TMEM117: variants seen among roughly 807,000 people sequenced by gnomAD.
The protein encoded by TMEM117 is transmembrane protein 117.
A neutral mutation model predicts 52.4 loss-of-function variants in TMEM117; 27 were observed. The observed-to-expected ratio is 0.51, with a 90% CI of 0.38 to 0.71. The LOEUF (loss-of-function observed/expected upper bound fraction) is 0.71, where lower values mean the gene tolerates loss of function less well. Among genes scored for constraint, TMEM117 ranks in the 30% least tolerant of loss-of-function variants. The pLI, the probability that TMEM117 is intolerant of heterozygous loss-of-function variation, is 0.00. For missense variants in TMEM117, 556 were observed against 630.5 expected, an observed-to-expected ratio of 0.88 and a Z score of 1.26; for synonymous variants, 215 against 206.3, an observed-to-expected ratio of 1.04 and a Z score of -0.36.
At chr12:44,232,841 A>G (rs1949950254) in intron 5 of TMEM117, among the ~76,000 whole-genome samples, 2 of 151,230 alleles carry the variant, frequency 1.3e-5, no homozygotes, top group African/African-American at 4.8e-5. Context: ...AGTAAACAAT[A>G]TGTTCTCAAT....
chr12:44,069,867 G>C (rs1268673431), intron 3 of TMEM117, among the ~76,000 whole-genome samples: 1 of 151,982 alleles, frequency 6.6e-6, no homozygotes, highest in Non-Finnish European at 1.5e-5. Context: ...AGGGATTCAG[G>C]CTCTTTTGTT....
At chr12:44,168,413 A>G (rs1339973865) in intron 4 of TMEM117, among the ~76,000 whole-genome samples, 3 of 152,234 alleles carry the variant, frequency 2.0e-5, no homozygotes, top group Non-Finnish European at 4.4e-5. Flanking sequence ...TATTTTCTTT[A>G]TAACTTCTTA....
rs549739501 is a variant in TMEM117 at position 44,045,991 on chromosome 12, G to C, written c.411-97534G>C. Among the ~76,000 whole-genome samples, 5 of 152,290 alleles carry C rather than the reference G, an allele frequency of 3.3e-5. No homozygotes were observed. In the South Asian group the frequency reaches 6.2e-4, roughly 19 times the overall value. On this transcript the variant is annotated intron_variant, in intron 3 of 7. Coordinates refer to ENST00000266534, the MANE Select transcript of TMEM117 (RefSeq NM_032256.3). ...GAGGTCAGAATTACAACATGAACTA[G>C]GTGACGATAATTTGCAGGGTTGGGG...
chr12:44,222,918 A>T (rs916781985), intron 5 of TMEM117, among the ~76,000 whole-genome samples: 4 of 152,058 alleles, frequency 2.6e-5, no homozygotes, highest in African/African-American at 9.7e-5. Context: ...TCTAAATCAC[A>T]TGTTTTGGTG....
Position 43,882,076 on chromosome 12 carries a change from A to C in TMEM117, c.277+37148A>C, listed in dbSNP as rs1370091563. ...GACAGAGCAAGACTCCGTCTCAAAA[A>C]AAACAAACAAACTAAAAAACAACAA... is the stretch of plus-strand genomic sequence containing the variant. On this transcript the variant is annotated intron_variant, in intron 2 of 7. Coordinates refer to ENST00000266534, the MANE Select transcript of TMEM117 (RefSeq NM_032256.3). Among the ~76,000 whole-genome samples, 5 of 152,088 alleles carry C rather than the reference A, an allele frequency of 3.3e-5. No homozygotes were observed. In the South Asian group the frequency reaches 6.2e-4, roughly 19 times the overall value.
chr12:44,237,357 C>A (rs551655554), intron 5 of TMEM117, among the ~76,000 whole-genome samples: 2 of 151,850 alleles, frequency 1.3e-5, no homozygotes, highest in East Asian at 3.9e-4. Context: ...CTTTCCATTA[C>A]AGCACATATT....
the TMEM117 span, among the ~76,000 whole-genome samples, chr12:43,821,948 G>C: frequency 2.0e-5 from 3 of 152,168 alleles, no homozygotes; most frequent in Non-Finnish European, 4.4e-5. Context: ...ACACTATGTT[G>C]GGTGACCTAG....
intron 3 of TMEM117, among the ~76,000 whole-genome samples, chr12:44,006,128 G>C (rs1946191277): frequency 6.6e-6 from 1 of 152,158 alleles, no homozygotes; most frequent in South Asian, 2.1e-4. Context: ...GCACCAGTTT[G>C]AAAGCCTCCA....
At chr12:44,316,379 C>T (rs1951054897) in intron 6 of TMEM117, among the ~76,000 whole-genome samples, 2 of 152,048 alleles carry the variant, frequency 1.3e-5, no homozygotes, top group Non-Finnish European at 2.9e-5. Flanking sequence ...GTTGAAATTT[C>T]TTTCCCTTAA....
intron 3 of TMEM117, among the ~76,000 whole-genome samples, chr12:44,044,711 C>G (rs1317772238): frequency 6.6e-6 from 1 of 152,170 alleles, no homozygotes; most frequent in East Asian, 1.9e-4. Flanking sequence ...GATACACAGG[C>G]ACCAACTGAA....
chr12:44,180,590 G>A (rs1050949965), intron 4 of TMEM117, among the ~76,000 whole-genome samples: 3 of 145,380 alleles, frequency 2.1e-5, no homozygotes, highest in East Asian at 4.1e-4. Context: ...ACCTATGAGT[G>A]AGAATATGCG....
rs144308417 is a variant in TMEM117, at chr12:44,041,583, T to C, written c.410+97241T>C. ...ACACATTATTTCATTACCCAGATTG[T>C]CAGCATAGTACCCAATAGACTTCCA... is the stretch of plus-strand genomic sequence containing the variant. On this transcript the variant is annotated intron_variant, in intron 3 of 7. Coordinates refer to ENST00000266534, the MANE Select transcript of TMEM117 (RefSeq NM_032256.3). Among the ~76,000 whole-genome samples, 835 of 152,230 alleles carry C rather than the reference T, an allele frequency of 5.5e-3. 10 individuals are homozygous for C. Among genetic ancestry groups the C allele is most frequent in the African/African-American group, 0.019 (771 of 41,550 alleles).
intron 2 of TMEM117, among the ~76,000 whole-genome samples, chr12:43,925,029 C>T (rs946088200): frequency 4.6e-5 from 7 of 152,172 alleles, no homozygotes; most frequent in Non-Finnish European, 7.4e-5. Flanking sequence ...CTGGATCCCT[C>T]AGTTCCTCAA....
intron 2 of TMEM117, among the ~76,000 whole-genome samples, chr12:43,883,782 A>G (rs1417850453): frequency 6.7e-6 from 1 of 148,630 alleles, no homozygotes; most frequent in Non-Finnish European, 1.5e-5. Flanking sequence ...ACAAAAAACA[A>G]AAAAAAACCC....
At chr12:43,799,275 A>T in the TMEM117 span, 4 of 570,012 alleles carry the variant, frequency 7.0e-6, no homozygotes, top group Non-Finnish European at 1.2e-5. Flanking sequence ...CTCTAAACTA[A>T]ACGGAATAAA....
chr12:43,856,009 A>T (rs1396915550), intron 2 of TMEM117, among the ~76,000 whole-genome samples: 2 of 152,216 alleles, frequency 1.3e-5, no homozygotes, highest in Non-Finnish European at 2.9e-5. Context: ...CTTTGTGTTA[A>T]TTTGAGATCT....
chr12:43,874,365 G>A (rs1943756705), intron 2 of TMEM117, among the ~76,000 whole-genome samples: 1 of 151,762 alleles, frequency 6.6e-6, no homozygotes, highest in East Asian at 1.9e-4. Context: ...TGGATCACTT[G>A]AGGTCAGGAG....
intron 6 of TMEM117, among the ~76,000 whole-genome samples, chr12:44,321,749 A>G (rs1951132983): frequency 5.3e-5 from 8 of 152,206 alleles, no homozygotes; most frequent in Admixed American, 5.2e-4. Context: ...TCAGTCATAG[A>G]TTATTAATTT....
At chr12:43,934,352 G>A (rs1285390837) in intron 2 of TMEM117, among the ~76,000 whole-genome samples, 3 of 152,004 alleles carry the variant, frequency 2.0e-5, no homozygotes, top group Non-Finnish European at 2.9e-5. Flanking sequence ...TTAAACTTGA[G>A]GATAGTTTAA....
Sources: allele counts gnomAD v4.1 joint callset (sites outside exome capture counted in the v4.1 genomes callset), GRCh38; gene constraint gnomAD v4.1.1; transcripts MANE v1.5; gene names NCBI Gene and HGNC (gene_info 2026-07-23, HGNC 2026-07-21).